PRCP: variants seen among roughly 807,000 people sequenced by gnomAD.
PRCP encodes the protein prolylcarboxypeptidase.
PRCP carries 46 observed loss-of-function variants against 54.2 expected under a neutral mutation model. That is an observed-to-expected ratio of 0.85 (90% confidence interval 0.67 to 1.09). PRCP has a LOEUF of 1.09. Ranked by LOEUF, PRCP falls within the 50% of genes least tolerant of loss-of-function variation. The pLI is 0.00. For missense variants in PRCP, 613 were observed against 596.8 expected (o/e 1.03, Z -0.28); for synonymous variants, 240 against 212.2 (o/e 1.13, Z -1.14).
chr11:82,880,013 T>C (rs1230274909), intron 1 of PRCP, among the ~76,000 whole-genome samples: 1 of 152,202 alleles, frequency 6.6e-6, no homozygotes, highest in Non-Finnish European at 1.5e-5. Context: ...AGTCTGTCCA[T>C]TCTCAGATCT....
At chr11:82,863,108 C>G (rs1253670178) in intron 1 of PRCP, among the ~76,000 whole-genome samples, 1 of 152,188 alleles carries the variant, frequency 6.6e-6, no homozygotes, top group Admixed American at 6.5e-5. Flanking sequence ...AATGCAATCC[C>G]CTTGGCTGAA....
At chr11:82,839,227 G>C (rs773107310) in intron 7 of PRCP, 34 bp downstream of exon 7, 2 of 1,588,130 alleles carry the variant, frequency 1.3e-6, no homozygotes, top group Admixed American at 3.6e-5. Flanking sequence ...TCAGTGAAAA[G>C]TAAGTTCCAC....
intron 1 of PRCP, among the ~76,000 whole-genome samples, chr11:82,877,847 G>A (rs532081471): frequency 6.6e-6 from 1 of 152,254 alleles, no homozygotes; most frequent in African/African-American, 2.4e-5. Context: ...TGAGAAGAGG[G>A]CCACCATCCT....
chr11:82,851,183 G>A (rs1858945652), intron 3 of PRCP, among the ~76,000 whole-genome samples: 2 of 152,206 alleles, frequency 1.3e-5, no homozygotes, highest in Middle Eastern at 3.4e-3. Context: ...GAGCTGAGAA[G>A]GCTAAGAAGG....
At chr11:82,849,872 G>T (rs142232485) in intron 5 of PRCP, 42 bp downstream of exon 5, 2 of 1,342,846 alleles carry the variant, frequency 1.5e-6, no homozygotes, top group Non-Finnish European at 1.9e-6. Flanking sequence ...CAAATGAAAG[G>T]TTAAAAAAAC....
chr11:82,898,477 A>G (rs1860168897), intron 1 of PRCP, among the ~76,000 whole-genome samples: 1 of 152,186 alleles, frequency 6.6e-6, no homozygotes, highest in Non-Finnish European at 1.5e-5. Flanking sequence ...TCCCAATCCA[A>G]TAGTCCTCCC....
At chr11:82,847,845 C>T (rs569686899) in intron 6 of PRCP, among the ~76,000 whole-genome samples, 3 of 152,254 alleles carry the variant, frequency 2.0e-5, no homozygotes, top group South Asian at 2.1e-4. Flanking sequence ...CCTCCCACCT[C>T]GGCCTCCCAA....
In PRCP at chr11:82,823,194, TA is replaced by T. The variant is rs2121030542; in HGVS notation, c.*1711del. Among the ~76,000 whole-genome samples, 1 of 152,136 alleles carries T rather than the reference TA, an allele frequency of 6.6e-6. No homozygotes were observed. The highest frequency in any genetic ancestry group is 1.9e-4 in the East Asian group (1 of 5,186). ...ACTCATCCAAATAATCAACATCAAA[TA>T]AAATGGCAAAGTATTTTAAAGATTC... is the stretch of plus-strand genomic sequence containing the variant. On this transcript the variant is annotated 3_prime_UTR_variant, in exon 9 of 9. Coordinates refer to ENST00000313010, the MANE Select transcript of PRCP (RefSeq NM_005040.4).
At chr11:82,892,586 A>G (rs1338986023) in intron 1 of PRCP, among the ~76,000 whole-genome samples, 2 of 152,226 alleles carry the variant, frequency 1.3e-5, no homozygotes, top group African/African-American at 2.4e-5. Flanking sequence ...TTTTATTATA[A>G]TAAAGCTAGG....
intron 8 of PRCP, chr11:82,837,331 G>C (rs1858552346): frequency 6.6e-6 from 1 of 152,614 alleles, no homozygotes; most frequent in Non-Finnish European, 1.5e-5. Flanking sequence ...TTAAAAAGCT[G>C]CCAAGTTCTT....
intron 1 of PRCP, among the ~76,000 whole-genome samples, chr11:82,896,428 C>T (rs1860121837): frequency 6.6e-6 from 1 of 152,108 alleles, no homozygotes; most frequent in African/African-American, 2.4e-5. Context: ...GACTTCCCCT[C>T]ACTTTGGGAG....
chr11:82,871,008 C>T (rs1859467881), intron 1 of PRCP, among the ~76,000 whole-genome samples: 3 of 151,848 alleles, frequency 2.0e-5, no homozygotes. Context: ...AATAATCTTG[C>T]CAGAACTCAT....
intron 1 of PRCP, among the ~76,000 whole-genome samples, chr11:82,890,762 C>T (rs1374213278): frequency 6.6e-6 from 1 of 152,232 alleles, no homozygotes; most frequent in Non-Finnish European, 1.5e-5. Context: ...ACCATAACCT[C>T]CACATTGCTA....
intron 1 of PRCP, among the ~76,000 whole-genome samples, chr11:82,868,711 G>C (rs938703319): frequency 6.6e-6 from 1 of 152,160 alleles, no homozygotes; most frequent in East Asian, 1.9e-4. Context: ...TACGGCAAGA[G>C]GTTTATGAGG....
intron 8 of PRCP, among the ~76,000 whole-genome samples, chr11:82,833,991 C>T (rs534662652): frequency 2.3e-4 from 35 of 152,186 alleles, no homozygotes; most frequent in African/African-American, 6.5e-4. Flanking sequence ...TCATCATCAT[C>T]GCTTTGACAA....
intron 1 of PRCP, among the ~76,000 whole-genome samples, chr11:82,875,024 T>TA (rs145737356): frequency 1.1e-3 from 165 of 144,442 alleles, no homozygotes; most frequent in Middle Eastern, 3.5e-3. Context: ...TGTAAAACTG[T>TA]AAAAAAAAAA....
chr11:82,845,250 C>T (rs892489571), intron 6 of PRCP, among the ~76,000 whole-genome samples: 5 of 152,090 alleles, frequency 3.3e-5, no homozygotes, highest in African/African-American at 1.2e-4. Flanking sequence ...CCCTTTAATC[C>T]CACATGCACC....
intron 1 of PRCP, among the ~76,000 whole-genome samples, chr11:82,888,597 C>A (rs1591073006): frequency 6.6e-6 from 1 of 152,182 alleles, no homozygotes; most frequent in East Asian, 1.9e-4. Context: ...ACAAGAAATG[C>A]AGCATTCCCT....
In PRCP at chr11:82,853,274, A is replaced by T. The variant is rs1294967888; in HGVS notation, c.314T>A (p.Phe105Tyr). 3 of 1,608,938 alleles carry T rather than the reference A, an allele frequency of 1.9e-6. No homozygotes were observed. The East Asian group carries it at 6.7e-5, about 36-fold the overall frequency. ...DIIWFCNNTG[F>Y]MWDVAEELKA... is the part of the protein sequence containing the mutation. ...CAGTTCCTCAGCCACATCCCACATG[A>T]ACCCCTAAGAAGAGTTTACAAAATC... The change falls in exon 3 of 9, where the codon TTC (phenylalanine) becomes TAC (tyrosine). Residue 105 changes from phenylalanine to tyrosine, a missense_variant. Phe to Tyr is a conservative substitution (Grantham distance 22). Transcript: ENST00000313010.
Sources: gnomAD v4.1 joint callset for allele counts (sites outside exome capture counted in the v4.1 genomes callset) on GRCh38, gnomAD v4.1.1 for gene constraint, MANE v1.5 for transcripts, NCBI Gene and HGNC (gene_info 2026-07-23, HGNC 2026-07-21) for gene names.